Variants in DHX29 observed in about 807,000 individuals in gnomAD.
DHX29 encodes the protein DExH-box helicase 29, also known as ATP-dependent RNA helicase DHX29.
Under a neutral mutation model 167.9 loss-of-function variants are expected in DHX29, and 79 were observed. The ratio of observed to expected loss-of-function variants is 0.47; its 90% CI spans 0.39 to 0.57. DHX29 has a LOEUF of 0.57. Ranked by LOEUF, DHX29 falls within the 20% of genes least tolerant of loss-of-function variation. The pLI is 0.00. For synonymous variants in DHX29, 530 were observed against 546.0 expected (o/e 0.97, Z 0.41); for missense variants, 1,347 against 1,593.4 (o/e 0.85, Z 2.63).
At chr5:55,273,143 CTGA>C (rs1746934811) in intron 17 of DHX29, 147 bp downstream of exon 17, 3 of 687,632 alleles carry the variant, frequency 4.4e-6, no homozygotes, top group Non-Finnish European at 6.4e-6. Context: ...GGGTTCACTT[CTGA>C]TGATGGCAAG....
chr5:55,265,501 C>T (rs1477228113), intron 23 of DHX29, among the ~76,000 whole-genome samples: 1 of 151,864 alleles, frequency 6.6e-6, no homozygotes, highest in African/African-American at 2.4e-5. Flanking sequence ...CAGCCATATC[C>T]AGAATGCAGG....
intron 17 of DHX29, 44 bp from the exon 18 acceptor site, chr5:55,272,219 G>T: frequency 8.8e-7 from 1 of 1,141,382 alleles, no homozygotes; most frequent in Non-Finnish European, 1.3e-6. Flanking sequence ...CTACTTTCAT[G>T]AATGTATCAT....
chr5:55,286,435 A>C (rs16884009), intron 8 of DHX29, among the ~76,000 whole-genome samples: 19,371 of 152,154 alleles, frequency 0.13, 1,441 homozygotes, highest in East Asian at 0.26. Context: ...TGATGAACTT[A>C]GGATACTACA....
At chr5:55,281,024 ATATATGTATACACACACACACACATGC>A (rs1747373855) in intron 12 of DHX29, among the ~76,000 whole-genome samples, 1 of 151,270 alleles carries the variant, frequency 6.6e-6, no homozygotes, top group South Asian at 2.1e-4. Flanking sequence ...ATACATGTAT[ATATATGTATACACACACACACACATGC>A]TATATGTATA....
intron 6 of DHX29, 100 bp from the exon 7 acceptor site, chr5:55,290,444 C>A: frequency 7.4e-7 from 1 of 1,357,252 alleles, no homozygotes; most frequent in East Asian, 2.4e-5. Context: ...ATATTTTTAC[C>A]TTATCCTTTG....
At chr5:55,272,537 A>G (rs1746904433) in intron 17 of DHX29, among the ~76,000 whole-genome samples, 1 of 152,204 alleles carries the variant, frequency 6.6e-6, no homozygotes, top group African/African-American at 2.4e-5. Context: ...GTTTGAGACC[A>G]GCCTGACCAA....
intron 12 of DHX29, among the ~76,000 whole-genome samples, chr5:55,277,580 G>A (rs78812416): frequency 6.6e-6 from 1 of 152,108 alleles, no homozygotes; most frequent in African/African-American, 2.4e-5. Flanking sequence ...AGCTGATAAG[G>A]CTGGGTGCAA....
At chr5:55,277,499 T>C (rs1442138357) in intron 12 of DHX29, among the ~76,000 whole-genome samples, 2 of 151,694 alleles carry the variant, frequency 1.3e-5, no homozygotes, top group Non-Finnish European at 1.5e-5. Flanking sequence ...CTGAAAATCA[T>C]ATAGTGAACT....
intron 26 of DHX29, among the ~76,000 whole-genome samples, chr5:55,258,513 T>A (rs929682588): frequency 6.6e-6 from 1 of 152,216 alleles, no homozygotes; most frequent in African/African-American, 2.4e-5. Context: ...CCTTGTATTC[T>A]TTGCAACTGC....
Position 55,295,540 on chromosome 5 carries a change from A to G in DHX29, c.506-16T>C. The G allele has an allele frequency of 6.2e-7, 1 of 1,606,624 alleles. No homozygotes were observed. Among genetic ancestry groups the G allele is most frequent in the East Asian group, 2.2e-5 (1 of 44,800 alleles). On this transcript the variant is annotated splice_polypyrimidine_tract_variant and intron_variant, in intron 4 of 26. Coordinates refer to ENST00000251636, the MANE Select transcript of DHX29 (RefSeq NM_019030.4). ...GGAAGTGCATCTTAAAATAAAAGAA[A>G]CTATGCTGAAAATAAACAGGCATAT...
chr5:55,298,258 A>C (rs189774906), intron 2 of DHX29, among the ~76,000 whole-genome samples: 49 of 152,350 alleles, frequency 3.2e-4, no homozygotes, highest in African/African-American at 1.2e-3. Flanking sequence ...TTAGAAGAAC[A>C]AATGAGATAT....
Position 55,274,927 on chromosome 5 carries a change from A to G in DHX29, c.2511T>C (p.Ile837=). The part of the protein sequence containing the change: ...QKYSSRTQHA[I]LYMNPHKINL... ...TGATTTTATGAGGATTCATGTATAG[A>G]ATAGCATGCTGAGTGCGGCTGCTGT... Residue 837 remains isoleucine (I), a synonymous_variant, in exon 15 of 27, where the codon ATT becomes ATC. Transcript: ENST00000251636. The G allele has an allele frequency of 6.2e-7, 1 of 1,613,914 alleles. No homozygotes were observed.
At chr5:55,262,343 A>G (rs1453860841) in intron 24 of DHX29, among the ~76,000 whole-genome samples, 1 of 152,200 alleles carries the variant, frequency 6.6e-6, no homozygotes, top group Non-Finnish European at 1.5e-5. Flanking sequence ...TTTTAATGAA[A>G]TACTAAGGGG....
At chr5:55,301,670 G>C (rs1027399503) in intron 1 of DHX29, among the ~76,000 whole-genome samples, 5 of 130,672 alleles carry the variant, frequency 3.8e-5, no homozygotes, top group Admixed American at 3.8e-4. Flanking sequence ...CCGAGATTTC[G>C]CCATTGCACT....
intron 26 of DHX29, among the ~76,000 whole-genome samples, chr5:55,258,835 G>A (rs1045101940): frequency 6.6e-6 from 1 of 151,994 alleles, no homozygotes; most frequent in East Asian, 1.9e-4. Flanking sequence ...TTACAGGCAG[G>A]TGTCACCATG....
intron 16 of DHX29, among the ~76,000 whole-genome samples, chr5:55,273,988 T>G (rs760857327): frequency 6.6e-6 from 1 of 150,554 alleles, no homozygotes; most frequent in African/African-American, 2.5e-5. Flanking sequence ...TTGGGGAGGT[T>G]GAGGCAGGAG....
chr5:55,307,407 C>T lies in DHX29; in HGVS notation c.167G>A (p.Arg56Lys). 2.5e-6 allele frequency: 4 copies of T among 1,613,124 alleles called. No individual in the cohort carries two copies. Among genetic ancestry groups the T allele is most frequent in the Non-Finnish European group, 3.4e-6 (4 of 1,179,764 alleles). The change falls in exon 1 of 27, where the codon AGG (arginine) becomes AAG (lysine). Residue 56 changes from arginine (R) to lysine (K), a missense_variant. Coordinates refer to ENST00000251636, the MANE Select transcript of DHX29 (RefSeq NM_019030.4). Reference protein sequence around the residue: ...ATAAAAAAGSREPRVKQGPKI... With the variant: ...ATAAAAAAGSKEPRVKQGPKI... The stretch of plus-strand genomic sequence containing the variant: ...CGTACCTTGCTTGACACGGGGCTCC[C>T]TGGAGCCGGCAGCGGCAGCGGCAGC...
At position 55,283,799 on chromosome 5, in the gene DHX29, A is replaced by G. The variant is rs1373175844; in HGVS notation, c.1369T>C (p.Leu457=). 4 of 1,588,696 alleles carry G rather than the reference A, an allele frequency of 2.5e-6. No individual in the cohort carries two copies. The Admixed American group carries it at 5.6e-5, about 22-fold the overall frequency. Residue 457 remains leucine (L), a synonymous_variant, in exon 11 of 27, where the codon TTA becomes CTA. Transcript: ENST00000251636. ...ACATCTCGGTAAGTGGGAGGAAGTAACTGATGAACTGACTAAAGGAAAAAC... is the reference window on the plus strand; with the variant it reads ...ACATCTCGGTAAGTGGGAGGAAGTAGCTGATGAACTGACTAAAGGAAAAAC... The part of the protein sequence containing the change: ...RLVKGQSVHQ[L]LPPTYRDVWL...
intron 8 of DHX29, 72 bp from the exon 9 acceptor site, chr5:55,285,933 C>A: frequency 7.9e-7 from 1 of 1,263,918 alleles, no homozygotes; most frequent in East Asian, 2.5e-5. Flanking sequence ...AAAGTCCTCT[C>A]TTGCTTTGGA....
Sources: gnomAD v4.1 joint callset for allele counts (sites outside exome capture counted in the v4.1 genomes callset) on GRCh38, gnomAD v4.1.1 for gene constraint, MANE v1.5 for transcripts, NCBI Gene and HGNC (gene_info 2026-07-23, HGNC 2026-07-21) for gene names.